The following CELF2 variants were observed in gnomAD, a reference collection of about 807,000 sequenced individuals.
The protein encoded by CELF2 is CUG triplet repeat RNA-binding protein 2.
In CELF2, 8 loss-of-function variants were observed where a neutral mutation model predicts 62.6. That is an observed-to-expected ratio of 0.13 (90% CI 0.07 to 0.23). The LOEUF (loss-of-function observed/expected upper bound fraction) is 0.23, where lower values mean the gene tolerates loss of function less well. CELF2 is among the 10% of genes least tolerant of loss of function. CELF2 has a pLI of 1.00. For missense variants in CELF2, 333 were observed against 671.0 expected (o/e 0.50, Z 5.56); for synonymous variants, 258 against 250.0 (o/e 1.03, Z -0.30).
intron 1 of CELF2, among the ~76,000 whole-genome samples, chr10:10,873,281 T>C (rs2060870452): frequency 6.6e-6 from 1 of 152,202 alleles, no homozygotes; most frequent in Admixed American, 6.5e-5. Context: ...GTTTTTTAAT[T>C]AAGTTATTCA....
chr10:10,828,000 TAAAAAAAAAAAA>T (rs66721705), intron 1 of CELF2, among the ~76,000 whole-genome samples: 1 of 60,706 alleles, frequency 1.6e-5, no homozygotes, highest in Non-Finnish European at 2.9e-5. Context: ...AGGCTAGTCT[TAAAAAAAAAAAA>T]AAAAAAAAAA....
the CELF2 span, among the ~76,000 whole-genome samples, chr10:10,735,342 A>C: frequency 6.6e-6 from 1 of 152,210 alleles, no homozygotes; most frequent in Non-Finnish European, 1.5e-5. Flanking sequence ...TAAAAATCTC[A>C]TCCGTGCCAT....
the CELF2 span, among the ~76,000 whole-genome samples, chr10:10,648,536 C>T: frequency 0.19 from 28,777 of 152,056 alleles, 3,329 homozygotes; most frequent in Non-Finnish European, 0.27. Context: ...TCAGCCAAAG[C>T]GAAAGAATAA....
the CELF2 span, among the ~76,000 whole-genome samples, chr10:10,777,275 G>A: frequency 2.0e-5 from 3 of 152,118 alleles, no homozygotes; most frequent in Non-Finnish European, 2.9e-5. Context: ...CTGGGCCTAC[G>A]TATACTCTTG....
At chr10:10,670,693 A>G in the CELF2 span, among the ~76,000 whole-genome samples, 1 of 152,288 alleles carries the variant, frequency 6.6e-6, no homozygotes, top group South Asian at 2.1e-4. Flanking sequence ...TGTATTCATC[A>G]TTATAATATG....
intron 9 of CELF2, among the ~76,000 whole-genome samples, chr10:11,303,377 A>C (rs2093943928): frequency 6.6e-6 from 1 of 152,222 alleles, no homozygotes; most frequent in Non-Finnish European, 1.5e-5. Flanking sequence ...GAAAGGCTGC[A>C]AAATTAGTCA....
intron 1 of CELF2, among the ~76,000 whole-genome samples, chr10:10,814,214 TAAAA>T (rs759524110): frequency 4.5e-5 from 2 of 44,432 alleles, no homozygotes; most frequent in African/African-American, 9.1e-5. Context: ...AGAAGAGTCC[TAAAA>T]AAAAAAAAAA....
At chr10:10,922,100 G>A (rs962038330) in intron 2 of CELF2, among the ~76,000 whole-genome samples, 2 of 141,298 alleles carry the variant, frequency 1.4e-5, no homozygotes, top group African/African-American at 5.5e-5. Context: ...TTGCTTATAG[G>A]ATCAAGATTA....
rs60873080 is a variant in CELF2 at position 11,177,065 on chromosome 10, G to C, written c.271+11383G>C. Among the ~76,000 whole-genome samples the C allele has an allele frequency of 6.6e-6, 1 of 152,074 alleles. No individual in the cohort carries two copies. Among genetic ancestry groups the C allele is most frequent in the Non-Finnish European group, 1.5e-5 (1 of 68,014 alleles). On this transcript the variant is annotated intron_variant, in intron 2 of 12. Transcript: ENST00000633077. The surrounding 1 kb of genome is among the most constrained non-coding windows in gnomAD (Gnocchi z 4.8). ...CCACTGGTTGCAGAAGCCTATATAGGGTGGCTCATTTGGACGAAGTATTGT... is the reference window on the plus strand; with the variant it reads ...CCACTGGTTGCAGAAGCCTATATAGCGTGGCTCATTTGGACGAAGTATTGT...
chr10:10,552,977 A>G, the CELF2 span, among the ~76,000 whole-genome samples: 1 of 152,122 alleles, frequency 6.6e-6, no homozygotes, highest in South Asian at 2.1e-4. Flanking sequence ...GCAAGGGGGC[A>G]TGGGGAGATG....
At position 11,201,090 on chromosome 10, in the gene CELF2, A is replaced by G. The variant is rs559203372; in HGVS notation, c.272-16335A>G. The stretch of plus-strand genomic sequence containing the variant: ...AGTTCACCAACTTCTAATTTTCTGA[A>G]ACGAAATTCTAAAACATACTCACTT... On this transcript the variant is annotated intron_variant, in intron 2 of 12. Transcript: ENST00000633077. Among the ~76,000 whole-genome samples the G allele has an allele frequency of 2.6e-5, 4 of 152,338 alleles. No homozygotes were observed. In the East Asian group the frequency reaches 7.7e-4, roughly 29 times the overall value.
chr10:11,094,454 A>G (rs780231941), intron 1 of CELF2, among the ~76,000 whole-genome samples: 2 of 152,078 alleles, frequency 1.3e-5, no homozygotes, highest in Non-Finnish European at 2.9e-5. Context: ...TCTTATTATA[A>G]TGAACTTGGG....
At chr10:11,164,846 G>A (rs1004162413) in intron 1 of CELF2, among the ~76,000 whole-genome samples, 4 of 152,106 alleles carry the variant, frequency 2.6e-5, no homozygotes, top group South Asian at 2.1e-4. Flanking sequence ...CTGCATAGCT[G>A]GACCGCTTTC....
At chr10:10,834,250 G>A (rs920229632) in intron 1 of CELF2, among the ~76,000 whole-genome samples, 6 of 152,188 alleles carry the variant, frequency 3.9e-5, no homozygotes, top group Admixed American at 2.6e-4. Flanking sequence ...ATAAGTGGGA[G>A]CTAAATGATG....
chr10:11,158,711 G>A (rs2065051847), intron 1 of CELF2, among the ~76,000 whole-genome samples: 1 of 152,110 alleles, frequency 6.6e-6, no homozygotes. Flanking sequence ...AAATGCCTGT[G>A]TTCTGTGATC....
the CELF2 span, among the ~76,000 whole-genome samples, chr10:10,730,381 G>T: frequency 1.3e-5 from 2 of 152,188 alleles, no homozygotes; most frequent in Non-Finnish European, 2.9e-5. Context: ...GGAGGCTGAG[G>T]CAGGAGAATC....
At chr10:11,050,696 G>C (rs548160856) in intron 1 of CELF2, among the ~76,000 whole-genome samples, 1 of 152,050 alleles carries the variant, frequency 6.6e-6, no homozygotes, top group Non-Finnish European at 1.5e-5. Flanking sequence ...CCAGATGATC[G>C]TGCAGCCTCC....
chr10:11,261,187 C>T (rs931227592), intron 5 of CELF2, among the ~76,000 whole-genome samples: 2 of 152,212 alleles, frequency 1.3e-5, no homozygotes, highest in Non-Finnish European at 2.9e-5. Context: ...TTGCCCAGTT[C>T]ACCTAGGAGG....
intron 8 of CELF2, among the ~76,000 whole-genome samples, chr10:11,283,955 AGT>A (rs1242549965): frequency 4.8e-5 from 3 of 63,030 alleles, no homozygotes; most frequent in African/African-American, 5.9e-5. Flanking sequence ...ATGAGGGATG[AGT>A]GTGTGGTGGG....
Sources: gnomAD v4.1 joint callset for allele counts (sites outside exome capture counted in the v4.1 genomes callset) on GRCh38, gnomAD v4.1.1 for gene constraint, Gnocchi (gnomAD v3.1) non-coding constraint, MANE v1.5 for transcripts, NCBI Gene and HGNC (gene_info 2026-07-23, HGNC 2026-07-21) for gene names.